CAMTA1: variants seen among roughly 807,000 people sequenced by gnomAD.
The protein encoded by CAMTA1 is calmodulin binding transcription activator 1, also known as calmodulin-binding transcription activator 1.
Under a neutral mutation model 170.9 loss-of-function variants are expected in CAMTA1, and 27 were observed. The ratio of observed to expected loss-of-function variants is 0.16; its 90% CI spans 0.12 to 0.22. The LOEUF (loss-of-function observed/expected upper bound fraction) is 0.22. Among genes scored for constraint, CAMTA1 ranks in the 10% least tolerant of loss-of-function variants. CAMTA1 has a pLI of 1.00. For synonymous variants in CAMTA1, 833 were observed against 891.5 expected (o/e 0.93, Z 1.17); for missense variants, 1,619 against 2,217.2 (o/e 0.73, Z 5.42).
At chr1:7,175,477 C>A (rs1164496740) in intron 4 of CAMTA1, among the ~76,000 whole-genome samples, 1 of 152,218 alleles carries the variant, frequency 6.6e-6, no homozygotes, top group Non-Finnish European at 1.5e-5. Flanking sequence ...AACATTCATA[C>A]CTTCAGCAGA....
At chr1:7,498,397 ATGTGTATGAG>A (rs935711200) in intron 6 of CAMTA1, among the ~76,000 whole-genome samples, 10 of 146,018 alleles carry the variant, frequency 6.8e-5, no homozygotes, top group Admixed American at 4.0e-4. Flanking sequence ...GTGTGAGTGA[ATGTGTATGAG>A]TGTGTATGAG....
At chr1:7,271,571 GATAGATAGA>G (rs1669807502) in intron 5 of CAMTA1, among the ~76,000 whole-genome samples, 1 of 116,902 alleles carries the variant, frequency 8.6e-6, no homozygotes, top group African/African-American at 4.8e-5. Context: ...AAAAGAGATA[GATAGATAGA>G]TAGATAGATA....
chr1:7,520,017 G>A (rs191936398), intron 6 of CAMTA1, among the ~76,000 whole-genome samples: 3 of 150,334 alleles, frequency 2.0e-5, no homozygotes, highest in Non-Finnish European at 4.4e-5. Context: ...ACTCCATGTT[G>A]TTCCCCTACC....
At chr1:7,697,676 G>A (rs2096391081) in intron 11 of CAMTA1, among the ~76,000 whole-genome samples, 1 of 152,192 alleles carries the variant, frequency 6.6e-6, no homozygotes, top group African/African-American at 2.4e-5. Flanking sequence ...GTTGAAGGTG[G>A]TTTCACTCCG....
intron 4 of CAMTA1, among the ~76,000 whole-genome samples, chr1:7,217,633 A>G (rs1224540930): frequency 6.6e-6 from 1 of 151,998 alleles, no homozygotes; most frequent in African/African-American, 2.4e-5. Context: ...TTCTTTTTAT[A>G]TATAAGAAAT....
At chr1:7,686,450 GGA>G (rs1293676923) in intron 11 of CAMTA1, among the ~76,000 whole-genome samples, 1 of 152,024 alleles carries the variant, frequency 6.6e-6, no homozygotes, top group Non-Finnish European at 1.5e-5. Flanking sequence ...AAGCCCCCAG[GGA>G]GAGGGCAAGC....
Position 7,587,013 on chromosome 1 carries a change from C to A in CAMTA1, c.511-53387C>A, listed in dbSNP as rs372649664. On this transcript the variant is annotated intron_variant, in intron 6 of 22. Transcript: ENST00000303635. ...TCTGTGATGTCCCCAACCACCCCCG[C>A]CCCCATGACCACCTGCACCCACCAC... 1.8e-4 allele frequency among the ~76,000 whole-genome samples: 28 copies of A among 151,938 alleles called. 2 individuals are homozygous for A. In the East Asian group the frequency reaches 5.2e-3, roughly 28 times the overall value.
intron 5 of CAMTA1, among the ~76,000 whole-genome samples, chr1:7,398,193 C>CTCTCTCTCTATATA (rs1557651862): frequency 1.8e-4 from 3 of 16,896 alleles, no homozygotes; most frequent in East Asian, 2.1e-3. Flanking sequence ...CTCTCTCTCT[C>CTCTCTCTCTATATA]TATATATATA....
rs1367517692 is a variant in CAMTA1, at chr1:7,325,035, C to T, written c.438+75409C>T. Among the ~76,000 whole-genome samples the T allele has an allele frequency of 6.6e-6, 1 of 152,108 alleles. No homozygotes were observed. The highest frequency in any genetic ancestry group is 1.9e-4 in the East Asian group (1 of 5,204). Reference sequence around the variant, plus strand: ...GATTATATCTTGATTTTCTATACCCCTCCAAAATAGACATCATTATCATTA... The same window carrying T: ...GATTATATCTTGATTTTCTATACCCTTCCAAAATAGACATCATTATCATTA... On this transcript the variant is annotated intron_variant, in intron 5 of 22. Coordinates refer to ENST00000303635, the MANE Select transcript of CAMTA1 (RefSeq NM_015215.4). This position sits in a 1 kb window ranked among gnomAD's most constrained non-coding sequence, Gnocchi z 5.0.
At chr1:7,725,985 T>C (rs141164765) in intron 11 of CAMTA1, among the ~76,000 whole-genome samples, 2,539 of 152,144 alleles carry the variant, frequency 0.017, 22 homozygotes, top group Non-Finnish European at 0.024. Context: ...ACACGGCCTC[T>C]AGCCGGGAAC....
chr1:7,095,521 T>C (rs1218961523), intron 4 of CAMTA1, among the ~76,000 whole-genome samples: 1 of 152,214 alleles, frequency 6.6e-6, no homozygotes, highest in Non-Finnish European at 1.5e-5. Context: ...GAGTCCGTGC[T>C]AGAACTGGAA....
intron 5 of CAMTA1, among the ~76,000 whole-genome samples, chr1:7,336,742 T>C (rs905964515): frequency 4.6e-5 from 7 of 152,146 alleles, no homozygotes; most frequent in Non-Finnish European, 7.4e-5. Context: ...TTTCTCTGTT[T>C]CACGTCCCGA....
chr1:7,626,982 G>A (rs2095638079), intron 6 of CAMTA1, among the ~76,000 whole-genome samples: 1 of 152,172 alleles, frequency 6.6e-6, no homozygotes, highest in South Asian at 2.1e-4. Flanking sequence ...AGCTCCTCAA[G>A]GGCTTGCAGG....
intron 5 of CAMTA1, among the ~76,000 whole-genome samples, chr1:7,353,091 G>C (rs1186823896): frequency 6.6e-6 from 1 of 152,160 alleles, no homozygotes. Context: ...TCGGGGGTCA[G>C]CCTAGGTCAT....
chr1:7,116,736 C>T (rs1168865431), intron 4 of CAMTA1, among the ~76,000 whole-genome samples: 3 of 151,838 alleles, frequency 2.0e-5, no homozygotes, highest in African/African-American at 7.3e-5. Context: ...CAAGCTCCGC[C>T]TTCCGGGTTC....
intron 4 of CAMTA1, among the ~76,000 whole-genome samples, chr1:7,213,536 AT>A (rs1179313408): frequency 1.3e-5 from 2 of 151,494 alleles, no homozygotes; most frequent in Non-Finnish European, 1.5e-5. Context: ...GTTTGCAAAT[AT>A]TTTCTCCTAA....
intron 3 of CAMTA1, among the ~76,000 whole-genome samples, chr1:7,061,060 A>C (rs971472515): frequency 2.6e-5 from 4 of 152,130 alleles, no homozygotes; most frequent in African/African-American, 9.7e-5. Flanking sequence ...GTGAAATCTG[A>C]CAGACTCACC....
At chr1:7,408,663 T>C (rs142004898) in intron 5 of CAMTA1, among the ~76,000 whole-genome samples, 403 of 152,318 alleles carry the variant, frequency 2.6e-3, no homozygotes, top group South Asian at 7.2e-3. Flanking sequence ...CATGCATGGC[T>C]ATCAGCTTCT....
intron 6 of CAMTA1, among the ~76,000 whole-genome samples, chr1:7,597,327 C>G (rs2095407802): frequency 6.6e-6 from 1 of 152,174 alleles, no homozygotes; most frequent in Non-Finnish European, 1.5e-5. Context: ...GATGTTCACT[C>G]AGTGTTTTGC....
Sources: gnomAD v4.1 joint callset for allele counts (sites outside exome capture counted in the v4.1 genomes callset) on GRCh38, gnomAD v4.1.1 for gene constraint, Gnocchi (gnomAD v3.1) non-coding constraint, MANE v1.5 for transcripts, NCBI Gene and HGNC (gene_info 2026-07-23, HGNC 2026-07-21) for gene names.